Variants in STRN observed in about 807,000 individuals in gnomAD.
The protein encoded by STRN is striatin, also known as protein phosphatase 2 regulatory subunit B'''alpha.
STRN carries 53 observed loss-of-function variants against 96.3 expected under a neutral mutation model. That is an observed-to-expected ratio of 0.55 (90% CI 0.44 to 0.69). The LOEUF is 0.69. Ranked by LOEUF, STRN falls within the 30% of genes least tolerant of loss-of-function variation. The probability of loss-of-function intolerance (pLI) is 0.00; values close to 1 mark genes in which losing one functional copy is unlikely to be tolerated. For synonymous variants in STRN, 428 were observed against 355.9 expected (o/e 1.20, Z -2.28); for missense variants, 987 against 963.9 (o/e 1.02, Z -0.32).
At chr2:36,938,575 G>A (rs1254074867) in intron 1 of STRN, among the ~76,000 whole-genome samples, 2 of 152,118 alleles carry the variant, frequency 1.3e-5, no homozygotes, top group African/African-American at 2.4e-5. Context: ...AAGCCCAACT[G>A]GTGTTTGCTA....
At chr2:36,855,786 T>A (rs958641462) in intron 14 of STRN, among the ~76,000 whole-genome samples, 1 of 152,154 alleles carries the variant, frequency 6.6e-6, no homozygotes. Flanking sequence ...TTATTATTTA[T>A]CGTTAGAGTC....
intron 5 of STRN, among the ~76,000 whole-genome samples, chr2:36,901,715 A>G (rs1669688926): frequency 3.3e-5 from 5 of 152,208 alleles, no homozygotes; most frequent in Admixed American, 3.3e-4. Flanking sequence ...TGTTTTTAAT[A>G]CAGCCTACAA....
intron 3 of STRN, among the ~76,000 whole-genome samples, chr2:36,911,598 A>G (rs574782990): frequency 1.3e-5 from 2 of 152,286 alleles, no homozygotes; most frequent in East Asian, 1.9e-4. Context: ...CTTTACAGAA[A>G]AAGTTTGCTG....
chr2:36,933,059 TAC>T (rs61245812), intron 1 of STRN, among the ~76,000 whole-genome samples: 2,042 of 147,864 alleles, frequency 0.014, 39 homozygotes, highest in African/African-American at 0.044. Flanking sequence ...TTTTTTAATT[TAC>T]ACACACACAC....
chr2:36,963,611 G>A (rs1227430985), intron 1 of STRN, among the ~76,000 whole-genome samples: 3 of 152,012 alleles, frequency 2.0e-5, no homozygotes, highest in Non-Finnish European at 4.4e-5. Flanking sequence ...CATTTTTAAA[G>A]TTTCTCTGTG....
rs1036619628 is a variant in STRN, at chr2:36,843,505, G to C, written c.*5951C>G. 2 of 152,078 alleles carry C rather than the reference G, an allele frequency of 1.3e-5. No individual in the cohort carries two copies. Among genetic ancestry groups the C allele is most frequent in the African/African-American group, 4.8e-5 (2 of 41,420 alleles). 9.4% of individuals were successfully genotyped at this position (152,078 alleles called of 1,614,324 possible). On this transcript the variant is annotated 3_prime_UTR_variant, in exon 18 of 18. Transcript: ENST00000263918. ...CATAAAACCTATTCATTAAACATAT[G>C]TGTCTCTGAAAGTACCACTGACCCA... is the stretch of plus-strand genomic sequence containing the variant.
Position 36,842,329 on chromosome 2 carries a change from T to C in STRN, c.*7127A>G, listed in dbSNP as rs555947726. The C allele has an allele frequency of 8.5e-5, 13 of 152,326 alleles. No individual in the cohort carries two copies. Among genetic ancestry groups the C allele is most frequent in the African/African-American group, 2.4e-4 (10 of 41,576 alleles). 9.4% of individuals were successfully genotyped at this position (152,326 alleles called of 1,614,324 possible). A position where few individuals can be genotyped will look rare whatever the true frequency, so the allele number is the denominator to read the frequency against. Reference sequence around the variant, plus strand: ...GGCAATGAATTGGGAACCTGGTACATACACTAGATTTTATGATGGCATAAG... The same window carrying C: ...GGCAATGAATTGGGAACCTGGTACACACACTAGATTTTATGATGGCATAAG... On this transcript the variant is annotated 3_prime_UTR_variant, in exon 18 of 18. Coordinates refer to ENST00000263918, the MANE Select transcript of STRN (RefSeq NM_003162.4).
At chr2:36,883,368 A>AG (rs1318155912) in intron 9 of STRN, among the ~76,000 whole-genome samples, 1 of 152,148 alleles carries the variant, frequency 6.6e-6, no homozygotes, top group African/African-American at 2.4e-5. Flanking sequence ...AAGGCAAGAG[A>AG]ATCACTTGAA....
chr2:36,871,589 ATAC>A (rs1172827044), intron 10 of STRN, among the ~76,000 whole-genome samples: 1 of 152,228 alleles, frequency 6.6e-6, no homozygotes, highest in Non-Finnish European at 1.5e-5. Context: ...GACTGGAGAA[ATAC>A]TACTTATTTA....
rs1668098570 is a variant in STRN, at chr2:36,847,119, T to C, written c.*2337A>G. 6.6e-6 allele frequency: 1 copy of C among 152,154 alleles called. No individual in the cohort carries two copies. Among genetic ancestry groups the C allele is most frequent in the Non-Finnish European group, 1.5e-5 (1 of 68,026 alleles). 9.4% of individuals were successfully genotyped at this position (152,154 alleles called of 1,614,324 possible). On this transcript the variant is annotated 3_prime_UTR_variant, in exon 18 of 18. Transcript: ENST00000263918. ...CTGGTAGAGAAGACTCTCTCCGTAG[T>C]CTCCAATGCCACAGCACTGGCTTTC...
chr2:36,852,488 T>C (rs1336082254), intron 15 of STRN, among the ~76,000 whole-genome samples: 4 of 152,190 alleles, frequency 2.6e-5, no homozygotes, highest in Non-Finnish European at 5.9e-5. Context: ...AATTACACGC[T>C]AAAGGATCTA....
At chr2:36,894,189 T>C (rs765669478) in intron 6 of STRN, among the ~76,000 whole-genome samples, 156 bp from the exon 7 acceptor site, 4 of 152,218 alleles carry the variant, frequency 2.6e-5, no homozygotes, top group Non-Finnish European at 5.9e-5. Flanking sequence ...AAAAAATATG[T>C]ACATTATAAA....
In STRN at chr2:36,902,696, C is replaced by T. The variant is rs773992822; in HGVS notation, c.547G>A (p.Val183Met). Residue 183 changes from valine (V) to methionine (M), a missense_variant, in exon 5 of 18, where the codon GTG (valine) becomes ATG (methionine). Val to Met is a conservative substitution (Grantham distance 21, BLOSUM62 1). Coordinates refer to ENST00000263918, the MANE Select transcript of STRN (RefSeq NM_003162.4). ...DTILDVKSKR[V>M]RALLGFSSDV... ...CTTGAAAAGCCCAACAAAGCTCGCACTCGTTTAGATTTCACATCTAGAATA... is the reference window on the plus strand; with the variant it reads ...CTTGAAAAGCCCAACAAAGCTCGCATTCGTTTAGATTTCACATCTAGAATA... 1.2e-6 allele frequency: 2 copies of T among 1,611,126 alleles called. No individual in the cohort carries two copies. Among genetic ancestry groups the T allele is most frequent in the East Asian group, 4.5e-5 (2 of 44,760 alleles).
Position 36,841,157 on chromosome 2 carries a change from G to A in STRN, c.*8299C>T, listed in dbSNP as rs374870344. 2.0e-5 allele frequency: 3 copies of A among 147,206 alleles called. No individual in the cohort carries two copies. Among genetic ancestry groups the A allele is most frequent in the African/African-American group, 2.5e-5 (1 of 40,190 alleles). 9.1% of individuals were successfully genotyped at this position (147,206 alleles called of 1,614,324 possible). On this transcript the variant is annotated 3_prime_UTR_variant, in exon 18 of 18. Transcript: ENST00000263918. ...ATTCTACAGCAATGAGAAATAAGGAGCACATTCTTTTTTTTTTTTTTTAAT... is the reference window on the plus strand; with the variant it reads ...ATTCTACAGCAATGAGAAATAAGGAACACATTCTTTTTTTTTTTTTTTAAT...
intron 1 of STRN, among the ~76,000 whole-genome samples, chr2:36,940,555 C>T (rs1670818970): frequency 6.6e-6 from 1 of 152,040 alleles, no homozygotes; most frequent in African/African-American, 2.4e-5. Flanking sequence ...GGGCTGGGTG[C>T]AGTGGCTCAC....
chr2:36,909,716 A>G (rs1030111281), intron 3 of STRN, among the ~76,000 whole-genome samples: 1 of 152,200 alleles, frequency 6.6e-6, no homozygotes, highest in African/African-American at 2.4e-5. Flanking sequence ...ATATGTAGAG[A>G]GGGCTAACTA....
chr2:36,856,170 T>C (rs925740796), intron 14 of STRN, among the ~76,000 whole-genome samples: 4 of 152,248 alleles, frequency 2.6e-5, no homozygotes, highest in African/African-American at 4.8e-5. Flanking sequence ...CAATACTGTA[T>C]GTTTGTAAGG....
At chr2:36,956,794 C>T (rs1239700569) in intron 1 of STRN, among the ~76,000 whole-genome samples, 1 of 152,200 alleles carries the variant, frequency 6.6e-6, no homozygotes, top group Non-Finnish European at 1.5e-5. Context: ...TAAAGAAGTG[C>T]TGTCTGTCAA....
intron 3 of STRN, among the ~76,000 whole-genome samples, chr2:36,910,097 T>G (rs1310604508): frequency 6.9e-6 from 1 of 144,690 alleles, no homozygotes; most frequent in Non-Finnish European, 1.5e-5. Flanking sequence ...CGCTTGAACC[T>G]GGGAGGCGGA....
Sources: gnomAD v4.1 joint callset for allele counts (sites outside exome capture counted in the v4.1 genomes callset) on GRCh38, gnomAD v4.1.1 for gene constraint, MANE v1.5 for transcripts, NCBI Gene and HGNC (gene_info 2026-07-23, HGNC 2026-07-21) for gene names.